The following RPE variants were observed in gnomAD, a reference collection of about 807,000 sequenced individuals.
RPE encodes the protein ribulose-5-phosphate-3-epimerase, also known as ribulose-phosphate 3-epimerase.
A neutral mutation model predicts 24.6 loss-of-function variants in RPE; 16 were observed. That is an observed-to-expected ratio of 0.65 (90% confidence interval 0.44 to 0.99). RPE has a LOEUF of 0.99. RPE is among the 50% of genes least tolerant of loss of function. The pLI, the probability that RPE is intolerant of heterozygous loss-of-function variation, is 0.00. For missense variants in RPE, 240 were observed against 294.5 expected (o/e 0.81, Z 1.35); for synonymous variants, 93 against 98.4 (o/e 0.94, Z 0.33).
At chr2:210,014,134 C>G (rs1190528378) in intron 2 of RPE, among the ~76,000 whole-genome samples, 1 of 152,028 alleles carries the variant, frequency 6.6e-6, no homozygotes, top group Non-Finnish European at 1.5e-5. Flanking sequence ...CTCTGTCGCC[C>G]AGGCTGGAGT....
rs760182888 is a variant in RPE, at chr2:210,009,677, C to T, written c.143C>T (p.Thr48Ile). 7.4e-6 allele frequency: 12 copies of T among 1,614,130 alleles called. No individual in the cohort carries two copies. The highest frequency in any genetic ancestry group is 1.0e-5 in the Non-Finnish European group (12 of 1,180,002). ...TGTAGGCATTTTGTTCCCAACATCA[C>T]CTTTGGTCACCCTGTGGTAGAAAGC... ...VMDGHFVPNITFGHPVVESLR... is the reference protein window; with the variant it reads ...VMDGHFVPNIIFGHPVVESLR... The change falls in exon 2 of 6, where the codon ACC becomes ATC. Residue 48 changes from threonine to isoleucine, a missense_variant. Transcript: ENST00000359429.
intron 2 of RPE, among the ~76,000 whole-genome samples, chr2:210,014,467 T>A (rs2093743613): frequency 1.3e-5 from 2 of 152,210 alleles, no homozygotes; most frequent in Non-Finnish European, 2.9e-5. Context: ...TTAATACATT[T>A]TTTTAAGAAT....
rs919642352 is a variant in RPE, at chr2:210,021,605, C to T, written c.*1814C>T. Reference sequence around the variant, plus strand: ...TGTCAGTATTGAATTGAATTTTTTACCCCTTAAAAGGACTAGTATAATTTC... The same window carrying T: ...TGTCAGTATTGAATTGAATTTTTTATCCCTTAAAAGGACTAGTATAATTTC... On this transcript the variant is annotated 3_prime_UTR_variant, in exon 6 of 6. Coordinates refer to ENST00000359429, the MANE Select transcript of RPE (RefSeq NM_199229.3). The T allele has an allele frequency of 3.9e-5, 6 of 152,376 alleles. No homozygotes were observed. The highest frequency in any genetic ancestry group is 1.2e-4 in the African/African-American group (5 of 41,402). 9.4% of individuals were successfully genotyped at this position (152,376 alleles called of 1,614,324 possible).
chr2:210,015,086 C>T (rs186364599), intron 2 of RPE, among the ~76,000 whole-genome samples: 358 of 152,278 alleles, frequency 2.4e-3, no homozygotes, highest in Non-Finnish European at 4.4e-3. Flanking sequence ...TTCTTGCAGT[C>T]TTGCCTCTCA....
intron 1 of RPE, among the ~76,000 whole-genome samples, chr2:210,006,860 C>T (rs907928656): frequency 1.3e-5 from 2 of 152,152 alleles, no homozygotes; most frequent in Admixed American, 6.5e-5. Context: ...GAAATTAAAC[C>T]TCCAAAGACC....
chr2:210,009,733 T>C lies in RPE; in HGVS notation c.199T>C (p.Phe67Leu). 6.2e-7 allele frequency: 1 copy of C among 1,614,154 alleles called. No individual in the cohort carries two copies. Among genetic ancestry groups the C allele is most frequent in the Non-Finnish European group, 8.5e-7 (1 of 1,180,000 alleles). The change falls in exon 2 of 6, where the codon TTT becomes CTT. Residue 67 changes from phenylalanine (F) to leucine (L), a missense_variant. By Grantham distance (22) the Phe-to-Leu change is conservative (BLOSUM62 0). Coordinates refer to ENST00000359429, the MANE Select transcript of RPE (RefSeq NM_199229.3). The stretch of plus-strand genomic sequence containing the variant: ...AAAGCAGCTAGGCCAGGACCCTTTC[T>C]TTGGTAAGTGGGTGTTACGCCATCT... ...LRKQLGQDPF[F>L]DMHMMVSKPE...
chr2:210,015,562 T>C (rs1387261016), intron 2 of RPE, among the ~76,000 whole-genome samples: 1 of 152,190 alleles, frequency 6.6e-6, no homozygotes, highest in Non-Finnish European at 1.5e-5. Flanking sequence ...CCTAGAATAA[T>C]TAATGATGCA....
intron 1 of RPE, among the ~76,000 whole-genome samples, chr2:210,005,331 A>G (rs775698796): frequency 1.3e-5 from 2 of 152,114 alleles, no homozygotes; most frequent in African/African-American, 2.4e-5. Context: ...CCTCCCCACT[A>G]AGACCTCCAA....
In RPE at chr2:210,016,015, C is replaced by T. The variant is rs763495828; in HGVS notation, c.245C>T (p.Pro82Leu). ...TCCAAGCCAGAACAGTGGGTAAAGCCAATGGCTGTAGCAGGAGCCAATCAG... is the reference window on the plus strand; with the variant it reads ...TCCAAGCCAGAACAGTGGGTAAAGCTAATGGCTGTAGCAGGAGCCAATCAG... ...MVSKPEQWVKPMAVAGANQYT... is the reference protein window; with the variant it reads ...MVSKPEQWVKLMAVAGANQYT... The change falls in exon 3 of 6, where the codon CCA becomes CTA. Residue 82 changes from proline to leucine, a missense_variant. Pro to Leu is a moderately conservative substitution (Grantham distance 98). Coordinates refer to ENST00000359429, the MANE Select transcript of RPE (RefSeq NM_199229.3). The T allele has an allele frequency of 1.5e-5, 24 of 1,614,168 alleles. No individual in the cohort carries two copies. The highest frequency in any genetic ancestry group is 1.8e-5 in the Non-Finnish European group (21 of 1,180,036).
chr2:210,019,464 T>G (rs1186041603), intron 5 of RPE, among the ~76,000 whole-genome samples: 1 of 152,168 alleles, frequency 6.6e-6, no homozygotes, highest in Non-Finnish European at 1.5e-5. Context: ...TTAGACACAT[T>G]TAAAAATAGT....
intron 2 of RPE, among the ~76,000 whole-genome samples, chr2:210,012,445 A>G (rs1213733989): frequency 6.6e-6 from 1 of 152,222 alleles, no homozygotes; most frequent in Non-Finnish European, 1.5e-5. Flanking sequence ...AGTAGAAATT[A>G]ATAAATCTTG....
At chr2:210,002,825 G>A (rs766616160) in intron 1 of RPE, 42 bp downstream of exon 1, 3 of 1,614,092 alleles carry the variant, frequency 1.9e-6, no homozygotes, top group East Asian at 2.2e-5. Flanking sequence ...GCGCGGCGGG[G>A]CGGATCAGTG....
At chr2:210,006,827 T>G (rs990779684) in intron 1 of RPE, among the ~76,000 whole-genome samples, 1 of 152,182 alleles carries the variant, frequency 6.6e-6, no homozygotes, top group African/African-American at 2.4e-5. Context: ...CAGGCAAATG[T>G]TAGAATCACT....
chr2:210,005,461 C>T (rs1575292448), intron 1 of RPE, among the ~76,000 whole-genome samples: 1 of 152,046 alleles, frequency 6.6e-6, no homozygotes, highest in Non-Finnish European at 1.5e-5. Context: ...CAAGTGGATT[C>T]TCTGGGGGAA....
At chr2:210,018,159 G>C in intron 5 of RPE, 4 of 1,533,494 alleles carry the variant, frequency 2.6e-6, no homozygotes, top group Non-Finnish European at 3.5e-6. Context: ...TCAGCCCTTT[G>C]GAAGATCATT....
At chr2:210,012,564 A>C (rs2093715103) in intron 2 of RPE, among the ~76,000 whole-genome samples, 1 of 152,234 alleles carries the variant, frequency 6.6e-6, no homozygotes, top group Non-Finnish European at 1.5e-5. Flanking sequence ...TTCTCAAGGA[A>C]AACCACTTGC....
At chr2:210,009,275 C>G (rs896756740) in intron 1 of RPE, among the ~76,000 whole-genome samples, 1 of 152,156 alleles carries the variant, frequency 6.6e-6, no homozygotes, top group African/African-American at 2.4e-5. Context: ...GAAGTAGCCA[C>G]AGGCCTCCTG....
chr2:210,020,629 T>G lies in RPE; in HGVS notation c.*838T>G, dbSNP rs2093843312. On this transcript the variant is annotated 3_prime_UTR_variant, in exon 6 of 6. Transcript: ENST00000359429. ...TGGGGTTCTGTTGAGAATTAAGAGC[T>G]AACACTATATATGTAAAGTTTCCAG... The G allele has an allele frequency of 6.0e-6, 1 of 166,840 alleles. No individual in the cohort carries two copies. 10.3% of individuals were successfully genotyped at this position (166,840 alleles called of 1,614,324 possible).
chr2:210,009,555 A>T (rs2093674039), intron 1 of RPE, 102 bp from the exon 2 acceptor site: 2 of 1,471,186 alleles, frequency 1.4e-6, no homozygotes, highest in African/African-American at 2.8e-5. Context: ...AAATTGAAAA[A>T]CATTGCAGAC....
Sources: gnomAD v4.1 joint callset for allele counts (sites outside exome capture counted in the v4.1 genomes callset) on GRCh38, gnomAD v4.1.1 for gene constraint, MANE v1.5 for transcripts, NCBI Gene and HGNC (gene_info 2026-07-23, HGNC 2026-07-21) for gene names.